Variants in PRMT2 observed in about 807,000 individuals in gnomAD.
PRMT2 encodes the protein protein arginine methyltransferase 2.
In PRMT2, 26 loss-of-function variants were observed where a neutral mutation model predicts 57.6. The observed-to-expected ratio is 0.45, with a 90% CI of 0.33 to 0.63. The LOEUF is 0.63. Ranked by LOEUF, PRMT2 falls within the 20% of genes least tolerant of loss-of-function variation. The pLI, the probability that PRMT2 is intolerant of heterozygous loss-of-function variation, is 0.02. For missense variants in PRMT2, 472 were observed against 564.4 expected (o/e 0.84, Z 1.66); for synonymous variants, 219 against 220.0 (o/e 1.00, Z 0.04).
chr21:46,642,681 T>G (rs902745117), intron 3 of PRMT2, among the ~76,000 whole-genome samples: 7 of 152,342 alleles, frequency 4.6e-5, no homozygotes, highest in African/African-American at 1.7e-4. Flanking sequence ...GTGTGTGATC[T>G]GAGGTTCTGC....
intron 8 of PRMT2, 82 bp downstream of exon 8, chr21:46,659,002 A>C (rs1289972281): frequency 6.6e-7 from 1 of 1,521,890 alleles, no homozygotes; most frequent in Non-Finnish European, 8.8e-7. Context: ...GCCCTGGGAG[A>C]TCCCATACGA....
chr21:46,661,829 C>T lies in PRMT2; in HGVS notation c.990C>T (p.Ile330=), dbSNP rs1201011510. ...TGAGGGGCGAGCTGCGCTTCGACATCAGGAAGGCGGGGACCCTGCACGGCT... is the reference window on the plus strand; with the variant it reads ...TGAGGGGCGAGCTGCGCTTCGACATTAGGAAGGCGGGGACCCTGCACGGCT... The part of the protein sequence containing the change: ...ETLRGELRFD[I]RKAGTLHGFT... Residue 330 remains isoleucine, a synonymous_variant, in exon 10 of 12, where the codon ATC becomes ATT. Coordinates refer to ENST00000355680, the MANE Select transcript of PRMT2 (RefSeq NM_206962.4). 2.0e-6 allele frequency: 3 copies of T among 1,493,270 alleles called. No individual in the cohort carries two copies. The highest frequency in any genetic ancestry group is 2.1e-5 in the Admixed American group (1 of 46,576). 92.5% of individuals were successfully genotyped at this position (1,493,270 alleles called of 1,614,324 possible). A position where few individuals can be genotyped will look rare whatever the true frequency, so the allele number is the denominator to read the frequency against.
chr21:46,661,104 A>C, intron 9 of PRMT2, 142 bp downstream of exon 9: 1 of 851,940 alleles, frequency 1.2e-6, no homozygotes, highest in East Asian at 3.0e-5. Flanking sequence ...CAAATAAGTG[A>C]ATTTATAAAA....
At chr21:46,647,778 G>A (rs1008300242) in intron 5 of PRMT2, among the ~76,000 whole-genome samples, 1 of 152,136 alleles carries the variant, frequency 6.6e-6, no homozygotes, top group Admixed American at 6.5e-5. Context: ...AATCTCCAGC[G>A]ACCCCAGCCT....
At chr21:46,662,817 C>T (rs1601959412) in intron 10 of PRMT2, among the ~76,000 whole-genome samples, 1 of 152,154 alleles carries the variant, frequency 6.6e-6, no homozygotes, top group Admixed American at 6.5e-5. Context: ...TTTACTATTT[C>T]CCCCCAAATG....
In PRMT2 at chr21:46,661,753, C is replaced by T. The variant is rs376459907; in HGVS notation, c.961-47C>T. On this transcript the variant is annotated intron_variant, in intron 9 of 11. Coordinates refer to ENST00000355680, the MANE Select transcript of PRMT2 (RefSeq NM_206962.4). ...GGGGGCCGCCCCAACCCGGGCCCTG[C>T]GGTGCCACGCGGTGCCCACGCGTGC... The T allele has an allele frequency of 2.0e-4, 263 of 1,286,684 alleles. 1 individual carries two copies. The African/African-American group carries it at 3.7e-3, about 18-fold the overall frequency. 79.7% of individuals were successfully genotyped at this position (1,286,684 alleles called of 1,614,324 possible). A position where few individuals can be genotyped will look rare whatever the true frequency, so the allele number is the denominator to read the frequency against.
intron 8 of PRMT2, chr21:46,659,604 G>C: frequency 1.0e-6 from 1 of 979,600 alleles, no homozygotes; most frequent in Non-Finnish European, 1.2e-6. Flanking sequence ...AATACATGCT[G>C]TTTTCCCTAC....
intron 3 of PRMT2, 21 bp from the exon 4 acceptor site, chr21:46,643,514 G>A (rs761384576): frequency 1.9e-5 from 28 of 1,492,688 alleles, no homozygotes; most frequent in Admixed American, 9.8e-5. Context: ...CTCTCCTCAC[G>A]CTTTCCTTGG....
chr21:46,664,462 C>T lies in PRMT2; in HGVS notation c.*135C>T, dbSNP rs2149009100. 2.5e-6 allele frequency: 3 copies of T among 1,180,600 alleles called. No homozygotes were observed. The East Asian group carries it at 7.2e-5, about 28-fold the overall frequency. The allele number at this position is 1,180,600 out of a possible 1,614,324, so 73.1% of individuals were successfully genotyped here. On this transcript the variant is annotated 3_prime_UTR_variant, in exon 12 of 12. Coordinates refer to ENST00000355680, the MANE Select transcript of PRMT2 (RefSeq NM_206962.4). ...TCACTCCACATTGACCCCTCCCTAG[C>T]CTGGCAGGTGACGTCAGGGTCCTTC...
chr21:46,648,744 G>C lies in PRMT2; in HGVS notation c.489+125G>C. On this transcript the variant is annotated intron_variant, in intron 6 of 11. Transcript: ENST00000355680. The surrounding 1 kb of genome is among the most constrained non-coding windows in gnomAD (Gnocchi z 4.8). ...GGCTCACCGGTGACTCCATGGTCTT[G>C]TTGAGCACCCTGCACGTGGGGCTCA... 1 of 1,259,290 alleles carries C rather than the reference G, an allele frequency of 7.9e-7. No individual in the cohort carries two copies. Among genetic ancestry groups the C allele is most frequent in the Non-Finnish European group, 1.1e-6 (1 of 902,202 alleles). 78.0% of individuals were successfully genotyped at this position (1,259,290 alleles called of 1,614,324 possible).
intron 2 of PRMT2, 45 bp downstream of exon 2, chr21:46,636,592 A>G (rs569323337): frequency 9.3e-6 from 2 of 215,360 alleles, no homozygotes; most frequent in East Asian, 1.1e-4. Flanking sequence ...CTTCTAAGAA[A>G]TTAATGAATA....
intron 7 of PRMT2, among the ~76,000 whole-genome samples, chr21:46,656,042 C>T (rs2148994982): frequency 6.6e-6 from 1 of 152,144 alleles, no homozygotes; most frequent in South Asian, 2.1e-4. Context: ...GGAGGTGGGG[C>T]CTAGTGGGAG....
At chr21:46,661,974 G>A (rs2061632823) in intron 10 of PRMT2, 38 bp downstream of exon 10, 2 of 1,148,668 alleles carry the variant, frequency 1.7e-6, no homozygotes, top group South Asian at 3.8e-5. Flanking sequence ...TGCGGGGTGG[G>A]GGGCAGGGGA....
intron 4 of PRMT2, among the ~76,000 whole-genome samples, chr21:46,644,049 C>T (rs2061324660): frequency 6.6e-6 from 1 of 152,196 alleles, no homozygotes; most frequent in South Asian, 2.1e-4. Flanking sequence ...GAGAAATTCT[C>T]TCCTAAGCCA....
chr21:46,649,345 G>C lies in PRMT2; in HGVS notation c.490-230G>C, dbSNP rs779668046. 6.6e-6 allele frequency among the ~76,000 whole-genome samples: 1 copy of C among 152,220 alleles called. No individual in the cohort carries two copies. Among genetic ancestry groups the C allele is most frequent in the Non-Finnish European group, 1.5e-5 (1 of 68,042 alleles). ...GTCTTCCATCCACTTGCAGCCCTGC[G>C]TCTGTGTCTTGTCCGGGAGGTGGGG... On this transcript the variant is annotated intron_variant, in intron 6 of 11. Coordinates refer to ENST00000355680, the MANE Select transcript of PRMT2 (RefSeq NM_206962.4). The surrounding 1 kb of genome is among the most constrained non-coding windows in gnomAD (Gnocchi z 4.8).
Position 46,663,466 on chromosome 21 carries a change from T to C in PRMT2, c.1181T>C (p.Val394Ala). 6.2e-7 allele frequency: 1 copy of C among 1,614,176 alleles called. No individual in the cohort carries two copies. The highest frequency in any genetic ancestry group is 8.5e-7 in the Non-Finnish European group (1 of 1,180,024). The part of the protein sequence containing the change: ...HTGDVVTGSV[V>A]LQRNPVWRRH... ...GGAGACGTGGTCACGGGTTCAGTTGTGTTGCAGAGAAACCCAGTGTGGAGA... is the reference window on the plus strand; with the variant it reads ...GGAGACGTGGTCACGGGTTCAGTTGCGTTGCAGAGAAACCCAGTGTGGAGA... The change falls in exon 11 of 12, where the codon GTG (valine) becomes GCG (alanine). Residue 394 changes from valine (V) to alanine (A), a missense_variant. Physicochemically the swap from Val to Ala is moderately conservative, Grantham distance 64. Coordinates refer to ENST00000355680, the MANE Select transcript of PRMT2 (RefSeq NM_206962.4).
chr21:46,664,835 T>C lies in PRMT2; in HGVS notation c.*508T>C, dbSNP rs15047. On this transcript the variant is annotated 3_prime_UTR_variant, in exon 12 of 12. Transcript: ENST00000355680. ...TGGCTCAGCGTGCGAGCTAAGGTGG[T>C]GATGTATGCGATGGGACTCTGCATG... The C allele has an allele frequency of 0.9, 157,849 of 175,738 alleles. 70,988 individuals carry two copies. Among genetic ancestry groups the C allele is most frequent in the East Asian group, 0.92 (6,704 of 7,256 alleles). The allele number at this position is 175,738 out of a possible 1,614,324, so 10.9% of individuals were successfully genotyped here. A position where few individuals can be genotyped will look rare whatever the true frequency, so the allele number is the denominator to read the frequency against.
intron 7 of PRMT2, chr21:46,655,058 A>G (rs2061522279): frequency 3.5e-6 from 1 of 284,712 alleles, no homozygotes; most frequent in Non-Finnish European, 5.3e-6. Flanking sequence ...TAGTAAAGAT[A>G]TTGAATTAAT....
Position 46,648,374 on chromosome 21 carries a change from T to A in PRMT2, c.328-84T>A. ...GGTGTTGGGGTCAGGGGTCATCAGCTGTGGCTCTGACCCTCCATCTCAGTC... is the reference window on the plus strand; with the variant it reads ...GGTGTTGGGGTCAGGGGTCATCAGCAGTGGCTCTGACCCTCCATCTCAGTC... On this transcript the variant is annotated intron_variant, in intron 5 of 11. Transcript: ENST00000355680. The surrounding 1 kb of genome is among the most constrained non-coding windows in gnomAD (Gnocchi z 4.8). 4 of 1,463,364 alleles carry A rather than the reference T, an allele frequency of 2.7e-6. No homozygotes were observed. The highest frequency in any genetic ancestry group is 3.8e-6 in the Non-Finnish European group (4 of 1,062,326). 90.6% of individuals were successfully genotyped at this position (1,463,364 alleles called of 1,614,324 possible). A position where few individuals can be genotyped will look rare whatever the true frequency, so the allele number is the denominator to read the frequency against.
Sources: gnomAD v4.1 joint callset for allele counts (sites outside exome capture counted in the v4.1 genomes callset) on GRCh38, gnomAD v4.1.1 for gene constraint, Gnocchi (gnomAD v3.1) non-coding constraint, MANE v1.5 for transcripts, NCBI Gene and HGNC (gene_info 2026-07-23, HGNC 2026-07-21) for gene names.